PALLD: variants seen among roughly 807,000 people sequenced by gnomAD.
PALLD encodes the protein palladin, cytoskeletal associated protein.
PALLD carries 61 observed loss-of-function variants against 123.5 expected under a neutral mutation model. The observed-to-expected ratio is 0.49, with a 90% CI of 0.40 to 0.61. PALLD has a LOEUF of 0.61. Ranked by LOEUF, PALLD falls within the 20% of genes least tolerant of loss-of-function variation. The probability of loss-of-function intolerance (pLI) is 0.00; values close to 1 mark genes in which losing one functional copy is unlikely to be tolerated. For synonymous variants in PALLD, 465 were observed against 496.4 expected (o/e 0.94, Z 0.84); for missense variants, 1,273 against 1,377.0 (o/e 0.92, Z 1.20).
intron 2 of PALLD, among the ~76,000 whole-genome samples, chr4:168,513,922 T>A (rs1762757475): frequency 6.6e-6 from 1 of 151,988 alleles, no homozygotes; most frequent in Admixed American, 6.6e-5. Flanking sequence ...CTGGCCAACA[T>A]GGTGAAACCC....
intron 1 of PALLD, among the ~76,000 whole-genome samples, chr4:168,508,224 G>A (rs918769952): frequency 3.3e-5 from 5 of 151,932 alleles, no homozygotes; most frequent in Non-Finnish European, 5.9e-5. Context: ...TAAATTGTAC[G>A]TATTGAAACA....
chr4:168,829,812 C>T lies in PALLD; in HGVS notation c.1965-61110C>T, dbSNP rs147731430. ...TAGAATAGGCAAAGTGATTTTCACT[C>T]TTTAAAGTTTGTGTTCCAGGACAAT... On this transcript the variant is annotated intron_variant, in intron 10 of 21. Coordinates refer to ENST00000505667, the MANE Select transcript of PALLD (RefSeq NM_001166108.2). Among the ~76,000 whole-genome samples, 1,110 of 152,328 alleles carry T rather than the reference C, an allele frequency of 7.3e-3. 13 individuals carry two copies. Among genetic ancestry groups the T allele is most frequent in the Middle Eastern group, 0.024 (7 of 294 alleles).
chr4:168,848,563 G>A (rs1453553965), intron 10 of PALLD, among the ~76,000 whole-genome samples: 1 of 152,128 alleles, frequency 6.6e-6, no homozygotes, highest in Non-Finnish European at 1.5e-5. Flanking sequence ...TACATGAAGG[G>A]AGACACTATT....
intron 10 of PALLD, among the ~76,000 whole-genome samples, chr4:168,846,684 C>T (rs528516770): frequency 2.0e-5 from 3 of 152,208 alleles, no homozygotes; most frequent in Middle Eastern, 3.4e-3. Flanking sequence ...ACAGTCTACC[C>T]AGAGGAAGAT....
At chr4:168,705,071 C>A (rs1428572218) in intron 8 of PALLD, among the ~76,000 whole-genome samples, 2 of 147,024 alleles carry the variant, frequency 1.4e-5, no homozygotes, top group African/African-American at 2.4e-5. Context: ...AAGTTTCTGG[C>A]AAACATTTTT....
At chr4:168,756,591 T>C (rs1337277110) in intron 10 of PALLD, among the ~76,000 whole-genome samples, 1 of 152,132 alleles carries the variant, frequency 6.6e-6, no homozygotes, top group Non-Finnish European at 1.5e-5. Flanking sequence ...TGAGTTTTGG[T>C]CTAAGAACTG....
intron 15 of PALLD, among the ~76,000 whole-genome samples, chr4:168,907,783 A>G (rs557726710): frequency 2.0e-5 from 3 of 152,216 alleles, no homozygotes; most frequent in African/African-American, 7.2e-5. Flanking sequence ...AGAATATCCT[A>G]TCCAACCTGT....
intron 9 of PALLD, among the ~76,000 whole-genome samples, chr4:168,710,387 AAT>A (rs142802174): frequency 0.021 from 3,210 of 152,204 alleles, 55 homozygotes; most frequent in Non-Finnish European, 0.036. Context: ...ATATTTTTAA[AAT>A]ATGTTTTTGA....
intron 2 of PALLD, among the ~76,000 whole-genome samples, chr4:168,559,330 G>C (rs1219662157): frequency 6.6e-6 from 1 of 152,104 alleles, no homozygotes; most frequent in Non-Finnish European, 1.5e-5. Context: ...GGTCAGTTTT[G>C]CTGAAAAGAA....
intron 17 of PALLD, among the ~76,000 whole-genome samples, chr4:168,917,773 C>T (rs886455409): frequency 6.6e-6 from 1 of 151,992 alleles, no homozygotes; most frequent in Non-Finnish European, 1.5e-5. Context: ...TATAAATACA[C>T]AAATTGTGTT....
In PALLD at chr4:168,585,655, C is replaced by T. The variant is rs546755988; in HGVS notation, c.908+73243C>T. On this transcript the variant is annotated intron_variant, in intron 2 of 21. Coordinates refer to ENST00000505667, the MANE Select transcript of PALLD (RefSeq NM_001166108.2). ...CTGGCCCCATCAGTTTAATTCTGAG[C>T]GCTCAGGACAGTATGAGGAGCAGCC... Among the ~76,000 whole-genome samples, 11 of 152,238 alleles carry T rather than the reference C, an allele frequency of 7.2e-5. No homozygotes were observed. In the East Asian group the frequency reaches 7.7e-4, roughly 11 times the overall value.
Position 168,890,943 on chromosome 4 carries a change from T to C in PALLD, c.1986T>C (p.Ser662=), listed in dbSNP as rs774706421. Residue 662 remains serine, a synonymous_variant, in exon 11 of 22, where the codon AGT becomes AGC. Transcript: ENST00000505667. ...GCAGAGGATTTCCAAAGAAGGCCAG[T>C]AGAACTGCTAGAATAGCCTCCGATG... The part of the protein sequence containing the change: ...KPKLGFPKKA[S]RTARIASDEE... 4 of 1,614,012 alleles carry C rather than the reference T, an allele frequency of 2.5e-6. No individual in the cohort carries two copies. Among genetic ancestry groups the C allele is most frequent in the African/African-American group, 1.3e-5 (1 of 75,036 alleles).
intron 3 of PALLD, among the ~76,000 whole-genome samples, chr4:168,674,823 T>C (rs1233087100): frequency 6.6e-6 from 1 of 152,204 alleles, no homozygotes; most frequent in Non-Finnish European, 1.5e-5. Context: ...GTATCTGGAA[T>C]GGAGCATGGG....
chr4:168,771,268 C>A (rs1734398865), intron 10 of PALLD, among the ~76,000 whole-genome samples: 2 of 151,992 alleles, frequency 1.3e-5, no homozygotes, highest in Non-Finnish European at 2.9e-5. Flanking sequence ...TGTGTGAATA[C>A]CCCCTACTGC....
rs1581663405 is a variant in PALLD, at chr4:168,827,417, A to G, written c.1965-63505A>G. Among the ~76,000 whole-genome samples the G allele has an allele frequency of 2.0e-5, 3 of 152,228 alleles. No homozygotes were observed. In the South Asian group the frequency reaches 6.2e-4, roughly 32 times the overall value. Reference sequence around the variant, plus strand: ...TTACTAGTTGTTGATATGGAGACAAATGTGTTTTGTATAAAATGTTACACT... The same window carrying G: ...TTACTAGTTGTTGATATGGAGACAAGTGTGTTTTGTATAAAATGTTACACT... On this transcript the variant is annotated intron_variant, in intron 10 of 21. Transcript: ENST00000505667.
intron 10 of PALLD, among the ~76,000 whole-genome samples, chr4:168,725,964 A>G (rs1786539956): frequency 6.6e-6 from 1 of 152,186 alleles, no homozygotes; most frequent in African/African-American, 2.4e-5. Context: ...CCCTTCCCTC[A>G]TAGCCACTGC....
intron 10 of PALLD, among the ~76,000 whole-genome samples, chr4:168,873,606 CA>C (rs1378485632): frequency 2.0e-5 from 3 of 152,172 alleles, no homozygotes. Context: ...ACTTGGGTTG[CA>C]GTTTCCCAGA....
At chr4:168,672,923 G>A (rs1780441588) in intron 3 of PALLD, among the ~76,000 whole-genome samples, 1 of 152,110 alleles carries the variant, frequency 6.6e-6, no homozygotes, top group Non-Finnish European at 1.5e-5. Flanking sequence ...TGGGAGTCAA[G>A]GATTCAAACC....
intron 10 of PALLD, among the ~76,000 whole-genome samples, chr4:168,763,193 A>G (rs370804181): frequency 1.3e-5 from 2 of 152,254 alleles, no homozygotes; most frequent in Admixed American, 6.5e-5. Flanking sequence ...CATTCTCTAC[A>G]GAATTTGATA....
Sources: gnomAD v4.1 joint callset for allele counts (sites outside exome capture counted in the v4.1 genomes callset) on GRCh38, gnomAD v4.1.1 for gene constraint, MANE v1.5 for transcripts, NCBI Gene and HGNC (gene_info 2026-07-23, HGNC 2026-07-21) for gene names.